Variants in RTF2 observed in about 807,000 individuals in gnomAD.
RTF2 encodes the protein replication termination factor 2.
A neutral mutation model predicts 38.0 loss-of-function variants in RTF2; 18 were observed. The ratio of observed to expected loss-of-function variants is 0.47; its 90% CI spans 0.33 to 0.70. RTF2 has a LOEUF of 0.70. Ranked by LOEUF, RTF2 falls within the 30% of genes least tolerant of loss-of-function variation. RTF2 has a pLI of 0.02. For missense variants in RTF2, 311 were observed against 379.6 expected, an observed-to-expected ratio of 0.82 and a Z score of 1.50; for synonymous variants, 126 against 137.1, an observed-to-expected ratio of 0.92 and a Z score of 0.57.
intron 1 of RTF2, chr20:56,472,561 C>A: frequency 2.2e-6 from 1 of 464,560 alleles, no homozygotes; most frequent in Non-Finnish European, 3.7e-6. Flanking sequence ...ATTATGTAGT[C>A]TTTGTTCTGA....
chr20:56,512,141 C>G (rs899112932), intron 5 of RTF2, among the ~76,000 whole-genome samples: 2 of 152,132 alleles, frequency 1.3e-5, no homozygotes, highest in African/African-American at 4.8e-5. Context: ...GCCACCGCGC[C>G]CAGTCTTAGA....
In RTF2 at chr20:56,513,370, A is replaced by G. The variant is rs376685917; in HGVS notation, c.533A>G (p.Asp178Gly). 46 of 1,609,248 alleles carry G rather than the reference A, an allele frequency of 2.9e-5. No individual in the cohort carries two copies. Among genetic ancestry groups the G allele is most frequent in the Non-Finnish European group, 3.5e-5 (41 of 1,178,250 alleles). Reference sequence around the variant, plus strand: ...ATCATGCTCAATGGCACCAAGGAGGATGTGGACGTGCTGAAGACAAGGATG... The same window carrying G: ...ATCATGCTCAATGGCACCAAGGAGGGTGTGGACGTGCTGAAGACAAGGATG... ...DVIMLNGTKE[D>G]VDVLKTRMEE... The change falls in exon 6 of 9, where the codon GAT becomes GGT. Residue 178 changes from aspartate to glycine, a missense_variant. Physicochemically the swap from Asp to Gly is moderately conservative, Grantham distance 94. Coordinates refer to ENST00000357348, the MANE Select transcript of RTF2 (RefSeq NM_016407.5).
chr20:56,513,460 C>G (rs1984826751), intron 6 of RTF2, 32 bp downstream of exon 6: 2 of 1,556,980 alleles, frequency 1.3e-6, no homozygotes, highest in Non-Finnish European at 1.7e-6. Context: ...CGCCCAGCCC[C>G]CATCTCTGCT....
intron 4 of RTF2, among the ~76,000 whole-genome samples, chr20:56,478,367 T>C (rs929339261): frequency 3.3e-5 from 5 of 152,062 alleles, no homozygotes; most frequent in African/African-American, 9.7e-5. Flanking sequence ...TGGTGGCATG[T>C]ACCTATAGAC....
chr20:56,473,068 TTG>T (rs1302808825), intron 1 of RTF2, among the ~76,000 whole-genome samples: 1 of 151,948 alleles, frequency 6.6e-6, no homozygotes, highest in African/African-American at 2.4e-5. Context: ...GAGGTGGAGG[TTG>T]CAGTGAGTGA....
At chr20:56,477,248 G>A (rs1405130737) in intron 4 of RTF2, 124 bp downstream of exon 4, 9 of 1,090,460 alleles carry the variant, frequency 8.3e-6, no homozygotes, top group South Asian at 2.8e-5. Context: ...GTTTGGTGGC[G>A]CCTTGGAGGA....
At chr20:56,485,529 T>TGGA (rs982980158) in intron 5 of RTF2, among the ~76,000 whole-genome samples, 71 of 152,142 alleles carry the variant, frequency 4.7e-4, no homozygotes, top group African/African-American at 1.7e-3. Flanking sequence ...ATCCTAGACG[T>TGGA]GGAGGAGGAC....
In RTF2 at chr20:56,518,142, G is replaced by A. The variant is rs149088552; in HGVS notation, c.798G>A (p.Lys266=). The A allele has an allele frequency of 5.6e-6, 9 of 1,614,020 alleles. No individual in the cohort carries two copies. Among genetic ancestry groups the A allele is most frequent in the Non-Finnish European group, 5.9e-6 (7 of 1,180,034 alleles). Residue 266 remains lysine (K), a synonymous_variant, in exon 9 of 9, where the codon AAG becomes AAA. Transcript: ENST00000357348. ...KAGKPPCGAT[K]RSIADSEESE... ...GGAAGCCTCCGTGTGGAGCCACAAA[G>A]AGGTCCATCGCTGACAGTGAAGAAT...
chr20:56,511,896 G>A (rs565824656), intron 5 of RTF2, among the ~76,000 whole-genome samples: 5 of 152,050 alleles, frequency 3.3e-5, no homozygotes, highest in East Asian at 1.9e-4. Flanking sequence ...GCAGTGGCAC[G>A]ATCTCGGCTC....
Position 56,518,345 on chromosome 20 carries a change from C to A in RTF2, c.*80C>A. The A allele has an allele frequency of 7.4e-7, 1 of 1,354,388 alleles. No individual in the cohort carries two copies. The highest frequency in any genetic ancestry group is 1.0e-6 in the Non-Finnish European group (1 of 976,552). The allele number at this position is 1,354,388 out of a possible 1,614,324, so 83.9% of individuals were successfully genotyped here. Reference sequence around the variant, plus strand: ...AGGTCGCTTTGTGCCTCTGAGTGCGCTGCTGTGTGTTCTCTCTATAGTTCT... The same window carrying A: ...AGGTCGCTTTGTGCCTCTGAGTGCGATGCTGTGTGTTCTCTCTATAGTTCT... On this transcript the variant is annotated 3_prime_UTR_variant, in exon 9 of 9. Transcript: ENST00000357348.
At chr20:56,517,527 C>T (rs1985126141) in intron 8 of RTF2, among the ~76,000 whole-genome samples, 1 of 152,148 alleles carries the variant, frequency 6.6e-6, no homozygotes, top group Admixed American at 6.6e-5. Flanking sequence ...GACTGTGGCT[C>T]AGGGCCTGCG....
At chr20:56,473,481 C>T (rs112298660) in intron 2 of RTF2, 86 bp downstream of exon 2, 66 of 972,670 alleles carry the variant, frequency 6.8e-5, no homozygotes, top group African/African-American at 6.6e-4. Context: ...ATTCATCAAG[C>T]GTGGATTATC....
rs1035749501 is a variant in RTF2 at position 56,496,220 on chromosome 20, A to T, written c.477+12031A>T. Among the ~76,000 whole-genome samples, 4 of 152,300 alleles carry T rather than the reference A, an allele frequency of 2.6e-5. No homozygotes were observed. The East Asian group carries it at 7.7e-4, about 29-fold the overall frequency. On this transcript the variant is annotated intron_variant, in intron 5 of 8. Coordinates refer to ENST00000357348, the MANE Select transcript of RTF2 (RefSeq NM_016407.5). ...GTAGAACATTTACAAGGCCAAAGAA[A>T]CATAGCTGAATTGAAAAAATGTTCA...
At position 56,491,577 on chromosome 20, in the gene RTF2, T is replaced by G. The variant is rs3746627; in HGVS notation, c.477+7388T>G. On this transcript the variant is annotated intron_variant, in intron 5 of 8. Coordinates refer to ENST00000357348, the MANE Select transcript of RTF2 (RefSeq NM_016407.5). ...ACTCCCTAGCGGTTCAGTCTCATAT[T>G]GAAATGACTCTGCTGTTGAAAATGC... is the stretch of plus-strand genomic sequence containing the variant. 0.017 allele frequency: 26,088 copies of G among 1,549,934 alleles called. 2,345 individuals carry two copies. In the East Asian group the frequency reaches 0.29, roughly 17 times the overall value.
chr20:56,486,789 A>G (rs1890547029), intron 5 of RTF2, among the ~76,000 whole-genome samples: 1 of 152,204 alleles, frequency 6.6e-6, no homozygotes, highest in Non-Finnish European at 1.5e-5. Context: ...CACTGTTGTA[A>G]GTCCTGCTGG....
chr20:56,517,458 C>T (rs1985123064), intron 8 of RTF2, among the ~76,000 whole-genome samples: 2 of 152,078 alleles, frequency 1.3e-5, no homozygotes, highest in South Asian at 4.2e-4. Flanking sequence ...GTGCTTGGTG[C>T]CAAGCAAAAG....
chr20:56,508,663 A>C (rs766996831), intron 5 of RTF2, among the ~76,000 whole-genome samples: 1 of 152,238 alleles, frequency 6.6e-6, no homozygotes, highest in Non-Finnish European at 1.5e-5. Flanking sequence ...TGGTGCTGGC[A>C]TGAGAACGGG....
chr20:56,487,912 G>T (rs375178920), intron 5 of RTF2, among the ~76,000 whole-genome samples: 141 of 152,280 alleles, frequency 9.3e-4, no homozygotes, highest in African/African-American at 3.2e-3. Context: ...CTGGATTAGG[G>T]CCCAACTTAA....
intron 5 of RTF2, among the ~76,000 whole-genome samples, chr20:56,492,175 T>C (rs948518956): frequency 1.3e-5 from 2 of 152,006 alleles, no homozygotes; most frequent in African/African-American, 4.8e-5. Flanking sequence ...AAGAATGGTA[T>C]GGATTTTAAA....
Sources: gnomAD v4.1 joint callset for allele counts (sites outside exome capture counted in the v4.1 genomes callset) on GRCh38, gnomAD v4.1.1 for gene constraint, MANE v1.5 for transcripts, NCBI Gene and HGNC (gene_info 2026-07-23, HGNC 2026-07-21) for gene names.